Variants in COL15A1 observed in about 807,000 individuals in gnomAD.
COL15A1 encodes collagen type XV alpha 1 chain.
A neutral mutation model predicts 165.9 loss-of-function variants in COL15A1; 111 were observed. The ratio of observed to expected loss-of-function variants is 0.67; its 90% CI spans 0.57 to 0.78. COL15A1 has a LOEUF of 0.78. COL15A1 is among the 30% of genes least tolerant of loss of function. The probability of loss-of-function intolerance (pLI) is 0.00; values close to 1 mark genes in which losing one functional copy is unlikely to be tolerated. For missense variants in COL15A1, 1,745 were observed against 1,789.7 expected (o/e 0.98, Z 0.45); for synonymous variants, 659 against 674.8 (o/e 0.98, Z 0.36).
At chr9:99,059,278 A>C (rs1825773212) in intron 35 of COL15A1, among the ~76,000 whole-genome samples, 1 of 152,196 alleles carries the variant, frequency 6.6e-6, no homozygotes, top group African/African-American at 2.4e-5. Context: ...CAAAGCACTC[A>C]GTTCTCACCG....
intron 23 of COL15A1, 58 bp downstream of exon 23, chr9:99,040,614 C>A: frequency 6.2e-7 from 1 of 1,613,918 alleles, no homozygotes; most frequent in Non-Finnish European, 8.5e-7. Flanking sequence ...CATTCTGTTC[C>A]TTCCACCTAG....
chr9:98,946,416 A>G (rs1408678790), intron 2 of COL15A1, among the ~76,000 whole-genome samples: 1 of 152,190 alleles, frequency 6.6e-6, no homozygotes, highest in African/African-American at 2.4e-5. Flanking sequence ...AATGAGCCCC[A>G]CAATCTGAAT....
chr9:99,029,925 C>CAAA (rs11330165), intron 16 of COL15A1, among the ~76,000 whole-genome samples: 1 of 111,624 alleles, frequency 9.0e-6, no homozygotes, highest in African/African-American at 3.1e-5. Flanking sequence ...AACTCCATCT[C>CAAA]AAAAAAAAAA....
rs533568601 is a variant in COL15A1, at chr9:99,069,999, A to G, written c.*113A>G. 4.5e-4 allele frequency: 360 copies of G among 803,808 alleles called. No individual in the cohort carries two copies. Among genetic ancestry groups the G allele is most frequent in the Admixed American group, 4.5e-4 (15 of 32,984 alleles). 49.8% of individuals were successfully genotyped at this position (803,808 alleles called of 1,614,324 possible). On this transcript the variant is annotated 3_prime_UTR_variant, in exon 42 of 42. Transcript: ENST00000375001. ...TATTACAGTTTTTTTTTTTTACTAC[A>G]TATTCTTTACAACAGCAACCAAAGA...
At chr9:99,016,974 G>A (rs954640951) in intron 11 of COL15A1, among the ~76,000 whole-genome samples, 1 of 152,206 alleles carries the variant, frequency 6.6e-6, no homozygotes, top group Non-Finnish European at 1.5e-5. Flanking sequence ...CCCTTGCTCC[G>A]GGGCCTCCTA....
chr9:99,028,507 C>T lies in COL15A1; in HGVS notation c.2043+2541C>T, dbSNP rs780229483. ...CTCTACTAAAAATACAAAAATTAGC[C>T]GGGCGCAGTGGCACAAACCTGTAAT... On this transcript the variant is annotated intron_variant, in intron 16 of 41. Coordinates refer to ENST00000375001, the MANE Select transcript of COL15A1 (RefSeq NM_001855.5). Among the ~76,000 whole-genome samples the T allele has an allele frequency of 4.6e-5, 7 of 151,920 alleles. No individual in the cohort carries two copies. In the East Asian group the frequency reaches 5.8e-4, roughly 13 times the overall value.
chr9:99,000,014 G>A (rs1344889952), intron 6 of COL15A1, among the ~76,000 whole-genome samples: 1 of 152,110 alleles, frequency 6.6e-6, no homozygotes, highest in Non-Finnish European at 1.5e-5. Context: ...GGGGTTACAG[G>A]CATGTGGAAT....
chr9:98,965,498 T>C (rs1837941755), intron 2 of COL15A1, among the ~76,000 whole-genome samples: 1 of 152,228 alleles, frequency 6.6e-6, no homozygotes, highest in Non-Finnish European at 1.5e-5. Context: ...AGGGTTGGCC[T>C]GTTGTGAGAT....
At chr9:98,991,009 TTACA>T (rs1838414099) in intron 5 of COL15A1, among the ~76,000 whole-genome samples, 1 of 152,178 alleles carries the variant, frequency 6.6e-6, no homozygotes, top group South Asian at 2.1e-4. Context: ...GCGGTGAGTG[TTACA>T]ACTCTTAGGG....
At chr9:99,051,178 C>T (rs1470153049) in intron 30 of COL15A1, among the ~76,000 whole-genome samples, 1 of 152,190 alleles carries the variant, frequency 6.6e-6, no homozygotes, top group Admixed American at 6.5e-5. Flanking sequence ...GCAGCCTCTC[C>T]TAACTAACAT....
chr9:98,992,285 AGCAGTGCGGGCCGGTCG>A (rs1248778521), intron 5 of COL15A1, among the ~76,000 whole-genome samples: 2 of 152,210 alleles, frequency 1.3e-5, no homozygotes, highest in Non-Finnish European at 2.9e-5. Flanking sequence ...AGAATTCGAG[AGCAGTGCGGGCCGGTCG>A]GCAGTGCTGG....
chr9:99,055,223 C>G (rs1406724068), intron 33 of COL15A1, 39 bp from the exon 34 acceptor site: 1 of 1,577,832 alleles, frequency 6.3e-7, no homozygotes, highest in Non-Finnish European at 8.7e-7. Context: ...TGAGTTCATC[C>G]CACTCTTACT....
At chr9:98,954,561 CT>C (rs1837745506) in intron 2 of COL15A1, among the ~76,000 whole-genome samples, 1 of 152,276 alleles carries the variant, frequency 6.6e-6, no homozygotes, top group East Asian at 1.9e-4. Context: ...TGTAATTAAA[CT>C]TTTAGGCTGT....
At chr9:99,042,746 G>A (rs769956984) in intron 24 of COL15A1, among the ~76,000 whole-genome samples, 1 of 152,200 alleles carries the variant, frequency 6.6e-6, no homozygotes, top group Non-Finnish European at 1.5e-5. Flanking sequence ...TAAATACTTA[G>A]CACACAGAAC....
chr9:98,989,531 C>T (rs1407540731), intron 5 of COL15A1, among the ~76,000 whole-genome samples: 2 of 152,300 alleles, frequency 1.3e-5, no homozygotes, highest in East Asian at 3.9e-4. Flanking sequence ...GCTTTGGAGC[C>T]TTGGGTAAAA....
rs1323247237 is a variant in COL15A1 at position 99,055,266 on chromosome 9, A to G, written c.3086A>G (p.Glu1029Gly). The G allele has an allele frequency of 2.5e-6, 4 of 1,607,412 alleles. No individual in the cohort carries two copies. The African/African-American group carries it at 4.0e-5, about 16-fold the overall frequency. ...LRHFLNNLKG[E>G]NGDKGFKGEK... ...TCCTGTGTTCTCTGCTTCCAGGGGGAGAATGGAGACAAGGGGTTCAAAGGT... is the reference window on the plus strand; with the variant it reads ...TCCTGTGTTCTCTGCTTCCAGGGGGGGAATGGAGACAAGGGGTTCAAAGGT... The change falls in exon 34 of 42, where the codon GAG becomes GGG. Residue 1029 changes from glutamate to glycine, a missense_variant. Coordinates refer to ENST00000375001, the MANE Select transcript of COL15A1 (RefSeq NM_001855.5).
chr9:98,998,499 G>T (rs1013849501), intron 6 of COL15A1, among the ~76,000 whole-genome samples: 26 of 152,194 alleles, frequency 1.7e-4, no homozygotes, highest in African/African-American at 6.3e-4. Context: ...GCCCTGCCTA[G>T]CCCCCTATTT....
chr9:98,956,116 G>A (rs1564008179), intron 2 of COL15A1, among the ~76,000 whole-genome samples: 1 of 152,324 alleles, frequency 6.6e-6, no homozygotes, highest in East Asian at 1.9e-4. Context: ...GACCAGCCGG[G>A]CCAACATGAC....
intron 28 of COL15A1, among the ~76,000 whole-genome samples, chr9:99,048,898 TG>T (rs1165420253): frequency 6.6e-6 from 1 of 152,100 alleles, no homozygotes; most frequent in Non-Finnish European, 1.5e-5. Flanking sequence ...CAAACCAAGA[TG>T]TAAACACAGC....
Sources: gnomAD v4.1 joint callset for allele counts (sites outside exome capture counted in the v4.1 genomes callset) on GRCh38, gnomAD v4.1.1 for gene constraint, MANE v1.5 for transcripts, NCBI Gene and HGNC (gene_info 2026-07-23, HGNC 2026-07-21) for gene names.